The following RRAGA variants were observed in gnomAD, a reference collection of about 807,000 sequenced individuals.
The protein encoded by RRAGA is Ras related GTP binding A.
In RRAGA, 11 loss-of-function variants were observed where a neutral mutation model predicts 20.5. The observed-to-expected ratio is 0.54, with a 90% CI of 0.34 to 0.89. RRAGA has a LOEUF of 0.89. Among genes scored for constraint, RRAGA ranks in the 40% least tolerant of loss-of-function variants. The probability of loss-of-function intolerance (pLI) is 0.02; values close to 1 mark genes in which losing one functional copy is unlikely to be tolerated. For synonymous variants in RRAGA, 184 were observed against 155.4 expected (o/e 1.18, Z -1.37); for missense variants, 214 against 400.7 (o/e 0.53, Z 3.98).
At position 19,050,925 on chromosome 9, in the gene RRAGA, T is replaced by C. The variant is rs1406454964; in HGVS notation, c.*324T>C. 12 of 247,000 alleles carry C rather than the reference T, an allele frequency of 4.9e-5. No homozygotes were observed. Among genetic ancestry groups the C allele is most frequent in the Non-Finnish European group, 9.4e-5 (11 of 116,954 alleles). The allele number at this position is 247,000 out of a possible 1,614,324, so 15.3% of individuals were successfully genotyped here. A position where few individuals can be genotyped will look rare whatever the true frequency, so the allele number is the denominator to read the frequency against. On this transcript the variant is annotated 3_prime_UTR_variant, in exon 1 of 1. Coordinates refer to ENST00000380527, the MANE Select transcript of RRAGA (RefSeq NM_006570.5). ...GTATCTTCCTGTATTCCGTATCAGA[T>C]TGCAAAGACGGAATGTTACTATTTT... is the stretch of plus-strand genomic sequence containing the variant.
At position 19,050,680 on chromosome 9, in the gene RRAGA, G is replaced by T; in HGVS notation, c.*79G>T. On this transcript the variant is annotated 3_prime_UTR_variant, in exon 1 of 1. Coordinates refer to ENST00000380527, the MANE Select transcript of RRAGA (RefSeq NM_006570.5). ...CTTTATTTTTAATATTCATAATGTC[G>T]TGTGCTTAAAAGTGGGCTTTGAAGT... The T allele has an allele frequency of 7.2e-7, 1 of 1,398,140 alleles. No homozygotes were observed. The highest frequency in any genetic ancestry group is 9.9e-7 in the Non-Finnish European group (1 of 1,005,188). 86.6% of individuals were successfully genotyped at this position (1,398,140 alleles called of 1,614,324 possible).
Position 19,050,912 on chromosome 9 carries a change from A to C in RRAGA, c.*311A>C. 1 of 278,000 alleles carries C rather than the reference A, an allele frequency of 3.6e-6. No homozygotes were observed. The highest frequency in any genetic ancestry group is 7.0e-5 in the East Asian group (1 of 14,330). 17.2% of individuals were successfully genotyped at this position (278,000 alleles called of 1,614,324 possible). A position where few individuals can be genotyped will look rare whatever the true frequency, so the allele number is the denominator to read the frequency against. On this transcript the variant is annotated 3_prime_UTR_variant, in exon 1 of 1. Transcript: ENST00000380527. Reference sequence around the variant, plus strand: ...AAAGCCTTTACCAGTATCTTCCTGTATTCCGTATCAGATTGCAAAGACGGA... The same window carrying C: ...AAAGCCTTTACCAGTATCTTCCTGTCTTCCGTATCAGATTGCAAAGACGGA...
In RRAGA at chr9:19,050,573, G is replaced by A. The variant is rs1237003488; in HGVS notation, c.914G>A (p.Gly305Asp). ...KHFEKLERVD[G>D]PKHSLLMR ...TTTGAGAAGCTGGAGAGAGTGGATGGCCCCAAGCACAGTCTCCTTATGCGT... is the reference window on the plus strand; with the variant it reads ...TTTGAGAAGCTGGAGAGAGTGGATGACCCCAAGCACAGTCTCCTTATGCGT... The change falls in exon 1 of 1, where the codon GGC becomes GAC. Residue 305 changes from glycine to aspartate, a missense_variant. Gly to Asp is a moderately conservative substitution (Grantham distance 94, BLOSUM62 -1). Around this residue, in one of 4 missense-constraint regions of RRAGA, gnomAD observed 68 missense variants for 83.9 expected, o/e 0.81. Coordinates refer to ENST00000380527, the MANE Select transcript of RRAGA (RefSeq NM_006570.5). 1 of 1,614,172 alleles carries A rather than the reference G, an allele frequency of 6.2e-7. No homozygotes were observed. Among genetic ancestry groups the A allele is most frequent in the Non-Finnish European group, 8.5e-7 (1 of 1,180,040 alleles).
chr9:19,050,206 A>G lies in RRAGA; in HGVS notation c.547A>G (p.Asn183Asp). Reference sequence around the variant, plus strand: ...CAGCATCGTCTACCAGCTGATTCCCAACGTTCAGCAGCTGGAGATGAACCT... The same window carrying G: ...CAGCATCGTCTACCAGCTGATTCCCGACGTTCAGCAGCTGGAGATGAACCT... ...WSSIVYQLIP[N>D]VQQLEMNLRN... Residue 183 changes from asparagine to aspartate, a missense_variant, in exon 1 of 1, where the codon AAC becomes GAC. This residue lies in a region of RRAGA where 88 missense variants were observed against 169.9 expected (regional missense o/e 0.52). Coordinates refer to ENST00000380527, the MANE Select transcript of RRAGA (RefSeq NM_006570.5). 6.2e-7 allele frequency: 1 copy of G among 1,614,112 alleles called. No individual in the cohort carries two copies.
rs781098929 is a variant in RRAGA at position 19,049,833 on chromosome 9, G to T, written c.174G>T (p.Leu58=). ...TCCGATTCCTAGGGAACCTGGTGCT[G>T]AACCTGTGGGACTGTGGCGGTCAGG... ...SHVRFLGNLV[L]NLWDCGGQDT... The change falls in exon 1 of 1, where the codon CTG becomes CTT. Residue 58 remains leucine, a synonymous_variant. Coordinates refer to ENST00000380527, the MANE Select transcript of RRAGA (RefSeq NM_006570.5). The surrounding 1 kb of genome is among the most constrained non-coding windows in gnomAD (Gnocchi z 5.4). 4 of 1,614,184 alleles carry T rather than the reference G, an allele frequency of 2.5e-6. No homozygotes were observed. Among genetic ancestry groups the T allele is most frequent in the Non-Finnish European group, 3.4e-6 (4 of 1,180,048 alleles).
At position 19,050,478 on chromosome 9, in the gene RRAGA, G is replaced by C; in HGVS notation, c.819G>C (p.Met273Ile). The C allele has an allele frequency of 6.2e-7, 1 of 1,614,178 alleles. No individual in the cohort carries two copies. The highest frequency in any genetic ancestry group is 8.5e-7 in the Non-Finnish European group (1 of 1,180,044). The change falls in exon 1 of 1, where the codon ATG (methionine) becomes ATC (isoleucine). Residue 273 changes from methionine to isoleucine, a missense_variant. By Grantham distance (10) the Met-to-Ile change is conservative. Around this residue, in one of 4 missense-constraint regions of RRAGA, gnomAD observed 68 missense variants for 83.9 expected, o/e 0.81. Coordinates refer to ENST00000380527, the MANE Select transcript of RRAGA (RefSeq NM_006570.5). ...TCTTCACCTCAAATACGTACGTGAT[G>C]GTGGTCATGTCAGATCCGTCGATCC... ...IDIFTSNTYVMVVMSDPSIPS... is the reference protein window; with the variant it reads ...IDIFTSNTYVIVVMSDPSIPS...
In RRAGA at chr9:19,049,613, CGT is replaced by C; in HGVS notation, c.-44_-43del. ...GCCCCCGACCCCTCCCTCGGCGCTG[CGT>C]GTAGGCCGCGCCCTCAGGCCCAGTC... On this transcript the variant is annotated 5_prime_UTR_variant, in exon 1 of 1. Transcript: ENST00000380527. The surrounding 1 kb of genome is among the most constrained non-coding windows in gnomAD (Gnocchi z 5.4). The C allele has an allele frequency of 6.8e-7, 1 of 1,465,154 alleles. No individual in the cohort carries two copies. The highest frequency in any genetic ancestry group is 9.3e-7 in the Non-Finnish European group (1 of 1,074,502). The allele number at this position is 1,465,154 out of a possible 1,614,324, so 90.8% of individuals were successfully genotyped here.
rs766841525 is a variant in RRAGA at position 19,049,632 on chromosome 9, G to A, written c.-28G>A. On this transcript the variant is annotated 5_prime_UTR_variant, in exon 1 of 1. Coordinates refer to ENST00000380527, the MANE Select transcript of RRAGA (RefSeq NM_006570.5). The surrounding 1 kb of genome is among the most constrained non-coding windows in gnomAD (Gnocchi z 5.4). ...GCGCTGCGTGTAGGCCGCGCCCTCA[G>A]GCCCAGTCCGCGGTGCCCCGGCGGG... 8 of 1,576,954 alleles carry A rather than the reference G, an allele frequency of 5.1e-6. No individual in the cohort carries two copies. Among genetic ancestry groups the A allele is most frequent in the Non-Finnish European group, 6.9e-6 (8 of 1,157,402 alleles).
rs1836334512 is a variant in RRAGA at position 19,050,776 on chromosome 9, G to C, written c.*175G>C. The stretch of plus-strand genomic sequence containing the variant: ...TTAAACATTGGACGCTATTTACTCA[G>C]CTACCCAGTAGAGCTTGAAGCTGAC... On this transcript the variant is annotated 3_prime_UTR_variant, in exon 1 of 1. Coordinates refer to ENST00000380527, the MANE Select transcript of RRAGA (RefSeq NM_006570.5). 1.5e-6 allele frequency: 1 copy of C among 660,802 alleles called. No homozygotes were observed. Among genetic ancestry groups the C allele is most frequent in the South Asian group, 2.0e-5 (1 of 50,386 alleles). The allele number at this position is 660,802 out of a possible 1,614,324, so 40.9% of individuals were successfully genotyped here.
chr9:19,049,842 G>A lies in RRAGA; in HGVS notation c.183G>A (p.Trp61Ter), dbSNP rs1236043714. The change falls in exon 1 of 1, where the codon TGG (tryptophan) becomes TGA (stop). Residue 61 changes from tryptophan (W) to a stop codon, truncating the protein, a stop_gained. Transcript: ENST00000380527. LOFTEE classifies it high-confidence loss of function. This position sits in a 1 kb window ranked among gnomAD's most constrained non-coding sequence, Gnocchi z 5.4. ...RFLGNLVLNL[W>*]DCGGQDTFME... ...TAGGGAACCTGGTGCTGAACCTGTG[G>A]GACTGTGGCGGTCAGGACACCTTCA... is the stretch of plus-strand genomic sequence containing the variant. 1.2e-6 allele frequency: 2 copies of A among 1,614,158 alleles called. No individual in the cohort carries two copies. The highest frequency in any genetic ancestry group is 1.7e-6 in the Non-Finnish European group (2 of 1,180,028).
chr9:19,050,074 C>A lies in RRAGA; in HGVS notation c.415C>A (p.Leu139Met). 6.2e-7 allele frequency: 1 copy of A among 1,614,052 alleles called. No individual in the cohort carries two copies. Among genetic ancestry groups the A allele is most frequent in the East Asian group, 2.2e-5 (1 of 44,876 alleles). ...MDLVQEDQRD[L>M]IFKEREEDLR... ...TCTGGTTCAGGAGGATCAGCGTGACCTGATTTTTAAAGAGCGAGAGGAAGA... is the reference window on the plus strand; with the variant it reads ...TCTGGTTCAGGAGGATCAGCGTGACATGATTTTTAAAGAGCGAGAGGAAGA... Residue 139 changes from leucine (L) to methionine (M), a missense_variant, in exon 1 of 1, where the codon CTG becomes ATG. By Grantham distance (15) the Leu-to-Met change is conservative. Transcript: ENST00000380527.
Position 19,050,187 on chromosome 9 carries a change from C to G in RRAGA, c.528C>G (p.Ile176Met). The part of the protein sequence containing the change: ...DETLYKAWSS[I>M]VYQLIPNVQQ... ...CGCTCTACAAAGCCTGGTCCAGCATCGTCTACCAGCTGATTCCCAACGTTC... is the reference window on the plus strand; with the variant it reads ...CGCTCTACAAAGCCTGGTCCAGCATGGTCTACCAGCTGATTCCCAACGTTC... Residue 176 changes from isoleucine to methionine, a missense_variant, in exon 1 of 1, where the codon ATC becomes ATG. Coordinates refer to ENST00000380527, the MANE Select transcript of RRAGA (RefSeq NM_006570.5). 1 of 1,614,058 alleles carries G rather than the reference C, an allele frequency of 6.2e-7. No homozygotes were observed. The highest frequency in any genetic ancestry group is 8.5e-7 in the Non-Finnish European group (1 of 1,180,018).
rs1254127768 is a variant in RRAGA at position 19,050,940 on chromosome 9, G to A, written c.*339G>A. 1.8e-5 allele frequency: 4 copies of A among 220,052 alleles called. No homozygotes were observed. The highest frequency in any genetic ancestry group is 9.2e-5 in the African/African-American group (4 of 43,640). The allele number at this position is 220,052 out of a possible 1,614,324, so 13.6% of individuals were successfully genotyped here. On this transcript the variant is annotated 3_prime_UTR_variant, in exon 1 of 1. Coordinates refer to ENST00000380527, the MANE Select transcript of RRAGA (RefSeq NM_006570.5). The stretch of plus-strand genomic sequence containing the variant: ...CCGTATCAGATTGCAAAGACGGAAT[G>A]TTACTATTTTATCAGCAAGGTATTA...
In RRAGA at chr9:19,050,644, T is replaced by G. The variant is rs1454852915; in HGVS notation, c.*43T>G. 6 of 1,562,284 alleles carry G rather than the reference T, an allele frequency of 3.8e-6. No homozygotes were observed. Among genetic ancestry groups the G allele is most frequent in the Non-Finnish European group, 5.3e-6 (6 of 1,137,656 alleles). On this transcript the variant is annotated 3_prime_UTR_variant, in exon 1 of 1. Transcript: ENST00000380527. ...TTCTGAAAATGCTGAATTGCCTTTT[T>G]TGTTTGCATCCTTTATTTTTAATAT...
Position 19,049,498 on chromosome 9 carries a change from C to T in RRAGA, c.-162C>T. The T allele has an allele frequency of 1.8e-6, 1 of 564,660 alleles. No homozygotes were observed. The highest frequency in any genetic ancestry group is 3.0e-6 in the Non-Finnish European group (1 of 330,936). The allele number at this position is 564,660 out of a possible 1,614,324, so 35.0% of individuals were successfully genotyped here. ...GAGTAAGAGCCAGCCCGTCCGCGGC[C>T]TCTCCAGCCCCGGGTTCGCGCTCTC... is the stretch of plus-strand genomic sequence containing the variant. On this transcript the variant is annotated 5_prime_UTR_variant, in exon 1 of 1. Transcript: ENST00000380527. The surrounding 1 kb of genome is among the most constrained non-coding windows in gnomAD (Gnocchi z 5.4).
Position 19,050,680 on chromosome 9 carries a change from G to C in RRAGA, c.*79G>C. Reference sequence around the variant, plus strand: ...CTTTATTTTTAATATTCATAATGTCGTGTGCTTAAAAGTGGGCTTTGAAGT... The same window carrying C: ...CTTTATTTTTAATATTCATAATGTCCTGTGCTTAAAAGTGGGCTTTGAAGT... On this transcript the variant is annotated 3_prime_UTR_variant, in exon 1 of 1. Transcript: ENST00000380527. 2 of 1,398,140 alleles carry C rather than the reference G, an allele frequency of 1.4e-6. No individual in the cohort carries two copies. The highest frequency in any genetic ancestry group is 2.0e-6 in the Non-Finnish European group (2 of 1,005,188). 86.6% of individuals were successfully genotyped at this position (1,398,140 alleles called of 1,614,324 possible).
rs1036587586 is a variant in RRAGA, at chr9:19,049,602, C to G, written c.-58C>G. 5 of 1,359,070 alleles carry G rather than the reference C, an allele frequency of 3.7e-6. No homozygotes were observed. The African/African-American group carries it at 7.2e-5, about 20-fold the overall frequency. The allele number at this position is 1,359,070 out of a possible 1,614,324, so 84.2% of individuals were successfully genotyped here. A position where few individuals can be genotyped will look rare whatever the true frequency, so the allele number is the denominator to read the frequency against. ...AGTCCCCGGCAGCCCCCGACCCCTCCCTCGGCGCTGCGTGTAGGCCGCGCC... is the reference window on the plus strand; with the variant it reads ...AGTCCCCGGCAGCCCCCGACCCCTCGCTCGGCGCTGCGTGTAGGCCGCGCC... On this transcript the variant is annotated 5_prime_UTR_variant, in exon 1 of 1. Transcript: ENST00000380527. This position sits in a 1 kb window ranked among gnomAD's most constrained non-coding sequence, Gnocchi z 5.4.
chr9:19,050,139 T>G lies in RRAGA; in HGVS notation c.480T>G (p.Phe160Leu). 6.2e-7 allele frequency: 1 copy of G among 1,614,102 alleles called. No homozygotes were observed. The highest frequency in any genetic ancestry group is 8.5e-7 in the Non-Finnish European group (1 of 1,180,014). The change falls in exon 1 of 1, where the codon TTT (phenylalanine) becomes TTG (leucine). Residue 160 changes from phenylalanine (F) to leucine (L), a missense_variant. Transcript: ENST00000380527. ...RLSRPLECACFRTSIWDETLY... is the reference protein window; with the variant it reads ...RLSRPLECACLRTSIWDETLY... ...CTCGCCCGCTGGAGTGTGCTTGTTT[T>G]CGAACGTCCATCTGGGATGAGACGC...
Position 19,050,681 on chromosome 9 carries a change from T to A in RRAGA, c.*80T>A, listed in dbSNP as rs1021230669. On this transcript the variant is annotated 3_prime_UTR_variant, in exon 1 of 1. Transcript: ENST00000380527. ...TTTATTTTTAATATTCATAATGTCGTGTGCTTAAAAGTGGGCTTTGAAGTG... is the reference window on the plus strand; with the variant it reads ...TTTATTTTTAATATTCATAATGTCGAGTGCTTAAAAGTGGGCTTTGAAGTG... 7.1e-7 allele frequency: 1 copy of A among 1,401,486 alleles called. No homozygotes were observed. The highest frequency in any genetic ancestry group is 1.4e-5 in the African/African-American group (1 of 70,172). 86.8% of individuals were successfully genotyped at this position (1,401,486 alleles called of 1,614,324 possible). A position where few individuals can be genotyped will look rare whatever the true frequency, so the allele number is the denominator to read the frequency against.
Sources: allele counts gnomAD v4.1 joint callset, GRCh38; gene constraint gnomAD v4.1.1; regional missense constraint gnomAD v4.1.1; non-coding constraint Gnocchi (gnomAD v3.1); transcripts MANE v1.5; gene names NCBI Gene and HGNC (gene_info 2026-07-23, HGNC 2026-07-21).